Variants in NAA16 observed in about 807,000 individuals in gnomAD.
NAA16 encodes the protein N-alpha-acetyltransferase 16, NatA auxiliary subunit.
NAA16 carries 97 observed loss-of-function variants against 110.3 expected under a neutral mutation model. The ratio of observed to expected loss-of-function variants is 0.88; its 90% CI spans 0.75 to 1.04. The LOEUF (loss-of-function observed/expected upper bound fraction) is 1.04, where lower values mean the gene tolerates loss of function less well. Among genes scored for constraint, NAA16 ranks in the 50% least tolerant of loss-of-function variants. NAA16 has a pLI of 0.00. For missense variants in NAA16, 1,017 were observed against 1,005.1 expected, an observed-to-expected ratio of 1.01 and a Z score of -0.16; for synonymous variants, 372 against 330.6, an observed-to-expected ratio of 1.13 and a Z score of -1.36.
intron 1 of NAA16, among the ~76,000 whole-genome samples, chr13:41,312,206 C>T (rs1414919845): frequency 2.0e-5 from 3 of 152,202 alleles, no homozygotes; most frequent in South Asian, 2.1e-4. Flanking sequence ...ACTTGAAGTG[C>T]GTTTCTGAGT....
At chr13:41,365,836 A>G (rs920710637) in intron 13 of NAA16, among the ~76,000 whole-genome samples, 1 of 152,192 alleles carries the variant, frequency 6.6e-6, no homozygotes, top group African/African-American at 2.4e-5. Flanking sequence ...ATCTCTGTCT[A>G]TTAATGCTGC....
intron 13 of NAA16, among the ~76,000 whole-genome samples, chr13:41,363,693 AAG>A (rs1353148894): frequency 2.6e-5 from 4 of 152,172 alleles, no homozygotes; most frequent in African/African-American, 9.6e-5. Context: ...TTTTTGAAGA[AAG>A]AAACTACAGG....
chr13:41,317,515 A>G (rs2041839592), intron 2 of NAA16, among the ~76,000 whole-genome samples: 1 of 152,212 alleles, frequency 6.6e-6, no homozygotes, highest in Admixed American at 6.5e-5. Context: ...GAAAATAATG[A>G]TCCTGTAGCA....
intron 16 of NAA16, 56 bp downstream of exon 16, chr13:41,372,367 C>G (rs1423012648): frequency 5.3e-6 from 8 of 1,511,042 alleles, no homozygotes; most frequent in Non-Finnish European, 7.1e-6. Flanking sequence ...TGACCATATT[C>G]AGTGTAATCT....
At chr13:41,358,219 T>C in intron 10 of NAA16, 85 bp from the exon 11 acceptor site, 1 of 1,138,596 alleles carries the variant, frequency 8.8e-7, no homozygotes, top group Non-Finnish European at 1.3e-6. Context: ...ATTGCAATAG[T>C]CATTTCATTA....
chr13:41,329,593 A>G (rs2042182266), intron 7 of NAA16, among the ~76,000 whole-genome samples: 1 of 151,612 alleles, frequency 6.6e-6, no homozygotes, highest in African/African-American at 2.4e-5. Context: ...AGTATAAGCT[A>G]CAAGAAAAGT....
In NAA16 at chr13:41,373,709, A is replaced by C. The variant is rs778440087; in HGVS notation, c.2228A>C (p.Lys743Thr). ...CAAGAAATGCAGAAAATATTTGTCA[A>C]AAAGGATTTGGAAAGTTTTAATGAG... ...LSQEMQKIFV[K>T]KDLESFNEDF... Residue 743 changes from lysine (K) to threonine (T), a missense_variant, in exon 18 of 20, where the codon AAA becomes ACA. Physicochemically the swap from Lys to Thr is moderately conservative, Grantham distance 78. Coordinates refer to ENST00000379406, the MANE Select transcript of NAA16 (RefSeq NM_024561.5). The C allele has an allele frequency of 5.0e-6, 8 of 1,611,446 alleles. No homozygotes were observed. Among genetic ancestry groups the C allele is most frequent in the Non-Finnish European group, 6.8e-6 (8 of 1,179,060 alleles).
At chr13:41,311,824 C>T (rs1005451104) in intron 1 of NAA16, among the ~76,000 whole-genome samples, 3 of 152,246 alleles carry the variant, frequency 2.0e-5, no homozygotes, top group Admixed American at 6.5e-5. Context: ...CCCCGCCGCG[C>T]TCTTTCCAGA....
chr13:41,371,610 T>G (rs1172194697), intron 15 of NAA16, among the ~76,000 whole-genome samples: 2 of 152,134 alleles, frequency 1.3e-5, no homozygotes, highest in Non-Finnish European at 2.9e-5. Flanking sequence ...TTTCTATAGC[T>G]TACTTTATTA....
chr13:41,313,383 G>A (rs1217256798), intron 1 of NAA16, among the ~76,000 whole-genome samples: 1 of 152,100 alleles, frequency 6.6e-6, no homozygotes, highest in East Asian at 1.9e-4. Flanking sequence ...TTAAATCTAG[G>A]TATGTAATGT....
In NAA16 at chr13:41,376,528, T is replaced by TA. The variant is rs1305172297; in HGVS notation, c.*930dup. 2 of 152,190 alleles carry TA rather than the reference T, an allele frequency of 1.3e-5. No individual in the cohort carries two copies. Among genetic ancestry groups the TA allele is most frequent in the African/African-American group, 2.4e-5 (1 of 41,428 alleles). 9.4% of individuals were successfully genotyped at this position (152,190 alleles called of 1,614,324 possible). ...GTTGAATATTTCTCTCTCCCAGTCT[T>TA]AAAAGCCCACAGGCAAGAATTAATG... On this transcript the variant is annotated 3_prime_UTR_variant, in exon 20 of 20. Coordinates refer to ENST00000379406, the MANE Select transcript of NAA16 (RefSeq NM_024561.5).
Position 41,373,613 on chromosome 13 carries a change from A to C in NAA16, c.2156-24A>C. 3 of 1,557,298 alleles carry C rather than the reference A, an allele frequency of 1.9e-6. No homozygotes were observed. In the South Asian group the frequency reaches 3.7e-5, roughly 19 times the overall value. The stretch of plus-strand genomic sequence containing the variant: ...TCAAAGGACAGATCAAAAACAAAAA[A>C]TCCAAATGTTTTTGTTTTTATAGTG... On this transcript the variant is annotated intron_variant, in intron 17 of 19. Coordinates refer to ENST00000379406, the MANE Select transcript of NAA16 (RefSeq NM_024561.5).
At chr13:41,356,067 ACTT>A (rs1291488484) in intron 10 of NAA16, among the ~76,000 whole-genome samples, 1 of 152,022 alleles carries the variant, frequency 6.6e-6, no homozygotes, top group African/African-American at 2.4e-5. Flanking sequence ...CGCAAGCTGA[ACTT>A]CTGGGCTCAA....
chr13:41,316,981 G>C (rs755734779), intron 2 of NAA16, 51 bp downstream of exon 2: 1 of 1,225,674 alleles, frequency 8.2e-7, no homozygotes, highest in African/African-American at 1.5e-5. Context: ...TCTAAAACCA[G>C]GCATTAACAG....
intron 15 of NAA16, among the ~76,000 whole-genome samples, chr13:41,371,305 C>A (rs1033244332): frequency 2.6e-5 from 4 of 152,132 alleles, no homozygotes; most frequent in Non-Finnish European, 5.9e-5. Context: ...ATGACATGGA[C>A]CCTTCTATGA....
chr13:41,370,408 G>A (rs559862650), intron 15 of NAA16, among the ~76,000 whole-genome samples: 20 of 152,212 alleles, frequency 1.3e-4, no homozygotes, highest in Admixed American at 3.3e-4. Context: ...GAAAATAAGC[G>A]AACACCAGGA....
At position 41,336,696 on chromosome 13, in the gene NAA16, C is replaced by T; in HGVS notation, c.954C>T (p.Phe318=). The T allele has an allele frequency of 6.2e-7, 1 of 1,609,636 alleles. No individual in the cohort carries two copies. The highest frequency in any genetic ancestry group is 8.5e-7 in the Non-Finnish European group (1 of 1,177,678). The change falls in exon 9 of 20, where the codon TTC becomes TTT. Residue 318 remains phenylalanine (F), a synonymous_variant. Coordinates refer to ENST00000379406, the MANE Select transcript of NAA16 (RefSeq NM_024561.5). The part of the protein sequence containing the change: ...ELMDKFLRVN[F]SKGCPPLFTT... ...TGGATAAGTTCCTGAGGGTTAACTTCAGTAAAGGCTGCCCACCCTTGTTTA... is the reference window on the plus strand; with the variant it reads ...TGGATAAGTTCCTGAGGGTTAACTTTAGTAAAGGCTGCCCACCCTTGTTTA...
At chr13:41,325,071 C>T (rs1056315042) in intron 5 of NAA16, among the ~76,000 whole-genome samples, 2 of 149,608 alleles carry the variant, frequency 1.3e-5, no homozygotes, top group African/African-American at 4.9e-5. Flanking sequence ...GATTCTTCTG[C>T]CTCAGCTTCC....
intron 9 of NAA16, among the ~76,000 whole-genome samples, chr13:41,343,952 G>A (rs369011963): frequency 1.3e-5 from 2 of 152,180 alleles, no homozygotes; most frequent in East Asian, 3.8e-4. Context: ...GATTGTAGGT[G>A]TGAACCTACA....
Sources: gnomAD v4.1 joint callset for allele counts (sites outside exome capture counted in the v4.1 genomes callset) on GRCh38, gnomAD v4.1.1 for gene constraint, MANE v1.5 for transcripts, NCBI Gene and HGNC (gene_info 2026-07-23, HGNC 2026-07-21) for gene names.